XKR4: variants seen among roughly 807,000 people sequenced by gnomAD.
XKR4 encodes the protein XK related 4, also known as XK-related protein 4.
XKR4 carries 12 observed loss-of-function variants against 53.9 expected under a neutral mutation model. The observed-to-expected ratio is 0.22, with a 90% confidence interval of 0.14 to 0.36. XKR4 has a LOEUF of 0.36. Ranked by LOEUF, XKR4 falls within the 10% of genes least tolerant of loss-of-function variation. The probability of loss-of-function intolerance (pLI) is 1.00; values close to 1 mark genes in which losing one functional copy is unlikely to be tolerated. For missense variants in XKR4, 799 were observed against 859.5 expected (o/e 0.93, Z 0.88); for synonymous variants, 354 against 362.4 (o/e 0.98, Z 0.26).
Position 55,102,167 on chromosome 8 carries a change from G to A in XKR4, c.-322G>A, listed in dbSNP as rs915005848. On this transcript the variant is annotated 5_prime_UTR_variant, in exon 1 of 3. Transcript: ENST00000327381. The surrounding 1 kb of genome is among the most constrained non-coding windows in gnomAD (Gnocchi z 5.1). ...CTGCTGCTGGCGGCGGCGGCGGCTC[G>A]GGCGGCAGCAGCGAAGCCGGGACGG... is the stretch of plus-strand genomic sequence containing the variant. Among the ~76,000 whole-genome samples, 1 of 148,850 alleles carries A rather than the reference G, an allele frequency of 6.7e-6. No individual in the cohort carries two copies. Among genetic ancestry groups the A allele is most frequent in the Non-Finnish European group, 1.5e-5 (1 of 66,896 alleles).
intron 1 of XKR4, among the ~76,000 whole-genome samples, chr8:55,281,776 A>T (rs1411134227): frequency 6.6e-6 from 1 of 152,194 alleles, no homozygotes; most frequent in African/African-American, 2.4e-5. Flanking sequence ...TGAAATCCTT[A>T]GTATGATTTT....
At chr8:55,294,953 A>G (rs1275842018) in intron 1 of XKR4, among the ~76,000 whole-genome samples, 1 of 152,232 alleles carries the variant, frequency 6.6e-6, no homozygotes, top group East Asian at 1.9e-4. Context: ...AGTTGTCAAT[A>G]CAAAAGTATT....
In XKR4 at chr8:55,529,561, G is replaced by C. The variant is rs939012532; in HGVS notation, c.*5334G>C. On this transcript the variant is annotated 3_prime_UTR_variant, in exon 3 of 3. Coordinates refer to ENST00000327381, the MANE Select transcript of XKR4 (RefSeq NM_052898.2). ...GTCCTCACTGCCATCTGTGAGTTAA[G>C]CATCATTTACAGATGACAAAATCTG... 1 of 152,150 alleles carries C rather than the reference G, an allele frequency of 6.6e-6. No homozygotes were observed. Among genetic ancestry groups the C allele is most frequent in the African/African-American group, 2.4e-5 (1 of 41,422 alleles). 9.4% of individuals were successfully genotyped at this position (152,150 alleles called of 1,614,324 possible).
chr8:55,367,634 C>A (rs1040174320), intron 2 of XKR4, among the ~76,000 whole-genome samples: 1 of 152,184 alleles, frequency 6.6e-6, no homozygotes, highest in South Asian at 2.1e-4. Context: ...CACTCCAAAA[C>A]GTGGCATTTT....
chr8:55,287,253 G>A (rs1818920457), intron 1 of XKR4, among the ~76,000 whole-genome samples: 1 of 151,642 alleles, frequency 6.6e-6, no homozygotes, highest in South Asian at 2.1e-4. Flanking sequence ...CCAAAAGTTG[G>A]AGCACAAGCT....
chr8:55,197,225 T>C (rs556651497), intron 1 of XKR4, among the ~76,000 whole-genome samples: 3 of 152,188 alleles, frequency 2.0e-5, no homozygotes, highest in South Asian at 4.1e-4. Flanking sequence ...GCCATTTCCA[T>C]ATATCTATAA....
intron 1 of XKR4, among the ~76,000 whole-genome samples, chr8:55,273,232 C>A (rs939874459): frequency 6.6e-6 from 1 of 151,606 alleles, no homozygotes; most frequent in Non-Finnish European, 1.5e-5. Context: ...AGATTTGTCA[C>A]GAGTCACTAC....
At chr8:55,265,496 G>A (rs1470038634) in intron 1 of XKR4, among the ~76,000 whole-genome samples, 4 of 152,162 alleles carry the variant, frequency 2.6e-5, no homozygotes, top group African/African-American at 9.6e-5. Flanking sequence ...GATGGGGTGA[G>A]TTTCTCAGAG....
At chr8:55,274,924 C>T (rs1818744530) in intron 1 of XKR4, among the ~76,000 whole-genome samples, 2 of 152,162 alleles carry the variant, frequency 1.3e-5, no homozygotes, top group African/African-American at 4.8e-5. Flanking sequence ...GTCAAGCAGG[C>T]TCCTTTATCA....
chr8:55,164,787 CAT>C (rs1159134232), intron 1 of XKR4: 8 of 145,360 alleles, frequency 5.5e-5, no homozygotes, highest in East Asian at 4.1e-4. Context: ...TTCACACACA[CAT>C]ACACACACAC....
At chr8:55,424,319 T>C (rs1054883474) in intron 2 of XKR4, among the ~76,000 whole-genome samples, 1 of 152,250 alleles carries the variant, frequency 6.6e-6, no homozygotes, top group Non-Finnish European at 1.5e-5. Flanking sequence ...ATAACCATAA[T>C]TGTTATAGTC....
intron 1 of XKR4, among the ~76,000 whole-genome samples, chr8:55,155,682 A>G (rs553614292): frequency 6.6e-6 from 1 of 152,296 alleles, no homozygotes; most frequent in African/African-American, 2.4e-5. Flanking sequence ...AAAAGGGACC[A>G]TCAAACACCC....
At chr8:55,108,003 A>G (rs1377277229) in intron 1 of XKR4, among the ~76,000 whole-genome samples, 1 of 152,244 alleles carries the variant, frequency 6.6e-6, no homozygotes, top group Non-Finnish European at 1.5e-5. Context: ...GGGAAGACAG[A>G]AAAGTCAGTA....
chr8:55,261,940 T>G (rs1292610086), intron 1 of XKR4, among the ~76,000 whole-genome samples: 1 of 152,066 alleles, frequency 6.6e-6, no homozygotes, highest in East Asian at 1.9e-4. Flanking sequence ...AAGCAGTATC[T>G]TTATCCACGT....
intron 1 of XKR4, among the ~76,000 whole-genome samples, chr8:55,322,206 G>T (rs1188201696): frequency 6.6e-6 from 1 of 152,136 alleles, no homozygotes; most frequent in Non-Finnish European, 1.5e-5. Flanking sequence ...TTGTATAAAT[G>T]GATTCACGTT....
intron 1 of XKR4, among the ~76,000 whole-genome samples, chr8:55,244,407 T>A (rs1387641127): frequency 6.6e-6 from 1 of 152,238 alleles, no homozygotes; most frequent in Non-Finnish European, 1.5e-5. Context: ...ACATTCTTTT[T>A]TATGGCTGTG....
At chr8:55,445,516 C>T (rs1038415362) in intron 2 of XKR4, among the ~76,000 whole-genome samples, 54 of 152,054 alleles carry the variant, frequency 3.6e-4, no homozygotes, top group African/African-American at 1.2e-3. Context: ...AAGGAAAACT[C>T]GCAAAATATT....
At chr8:55,199,631 G>T (rs1279338482) in intron 1 of XKR4, among the ~76,000 whole-genome samples, 1 of 152,104 alleles carries the variant, frequency 6.6e-6, no homozygotes, top group East Asian at 1.9e-4. Context: ...CTGAGTCTTT[G>T]GACTGTTAAT....
chr8:55,410,853 T>C (rs1345418778), intron 2 of XKR4, among the ~76,000 whole-genome samples: 5 of 152,152 alleles, frequency 3.3e-5, no homozygotes, highest in African/African-American at 4.8e-5. Context: ...TGCTACAAAC[T>C]GTGTTCTAGG....
Sources: allele counts gnomAD v4.1 joint callset (sites outside exome capture counted in the v4.1 genomes callset), GRCh38; gene constraint gnomAD v4.1.1; non-coding constraint Gnocchi (gnomAD v3.1); transcripts MANE v1.5; gene names NCBI Gene and HGNC (gene_info 2026-07-23, HGNC 2026-07-21).